RAB11FIP3: variants seen among roughly 807,000 people sequenced by gnomAD.
RAB11FIP3 encodes the protein RAB11 family interacting protein 3, also known as rab11 family-interacting protein 3.
Under a neutral mutation model 77.8 loss-of-function variants are expected in RAB11FIP3, and 17 were observed. The observed-to-expected ratio is 0.22, with a 90% confidence interval of 0.15 to 0.33. The LOEUF (loss-of-function observed/expected upper bound fraction) is 0.33. Among genes scored for constraint, RAB11FIP3 ranks in the 10% least tolerant of loss-of-function variants. The probability of loss-of-function intolerance (pLI) is 1.00; values close to 1 mark genes in which losing one functional copy is unlikely to be tolerated. For missense variants in RAB11FIP3, 1,005 were observed against 1,011.2 expected (o/e 0.99, Z 0.08); for synonymous variants, 437 against 448.2 (o/e 0.98, Z 0.31).
In RAB11FIP3 at chr16:461,234, T is replaced by A. The variant is rs998695342; in HGVS notation, c.715-170T>A. 5.9e-5 allele frequency among the ~76,000 whole-genome samples: 9 copies of A among 152,242 alleles called. No homozygotes were observed. The highest frequency in any genetic ancestry group is 3.4e-3 in the Middle Eastern group (1 of 294). On this transcript the variant is annotated intron_variant, in intron 1 of 13. Transcript: ENST00000262305. This position sits in a 1 kb window ranked among gnomAD's most constrained non-coding sequence, Gnocchi z 4.5. ...CGCTCCTGTGAGAAGAACCTGATGC[T>A]CCTGCTGATCTGACAGGAGGGGAGC...
At chr16:491,873 C>T (rs8046020) in intron 5 of RAB11FIP3, among the ~76,000 whole-genome samples, 2,951 of 152,318 alleles carry the variant, frequency 0.019, 109 homozygotes, top group African/African-American at 0.067. Context: ...GGTGAAGAAA[C>T]GGGCCACTTT....
chr16:493,113 T>A (rs1433036714), intron 5 of RAB11FIP3, among the ~76,000 whole-genome samples: 1 of 152,052 alleles, frequency 6.6e-6, no homozygotes, highest in African/African-American at 2.4e-5. Context: ...TAGCCAGGCA[T>A]GGTGGCACAT....
intron 9 of RAB11FIP3, among the ~76,000 whole-genome samples, chr16:511,826 G>T: frequency 7.9e-6 from 1 of 127,112 alleles, no homozygotes; most frequent in Non-Finnish European, 1.6e-5. Context: ...GGTAGGAGAG[G>T]TTCCTGACGG....
chr16:517,334 T>A (rs1273474275), intron 9 of RAB11FIP3, among the ~76,000 whole-genome samples: 2 of 151,710 alleles, frequency 1.3e-5, no homozygotes, highest in African/African-American at 4.8e-5. Flanking sequence ...TTTGGGAGGC[T>A]GAGGCTGTTG....
At chr16:495,885 G>A (rs2031080912) in intron 5 of RAB11FIP3, among the ~76,000 whole-genome samples, 1 of 152,094 alleles carries the variant, frequency 6.6e-6, no homozygotes, top group East Asian at 1.9e-4. Context: ...CGAGTAGCTG[G>A]GATTACAGGC....
chr16:492,397 C>CCCGAGGCCGCCCAGGGCCCTCCCG, intron 5 of RAB11FIP3, among the ~76,000 whole-genome samples: 1 of 127,740 alleles, frequency 7.8e-6, no homozygotes, highest in South Asian at 2.6e-4. Context: ...GAGCCCTCCC[C>CCCGAGGCCGCCCAGGGCCCTCCCG]GGGAGACCCG....
intron 6 of RAB11FIP3, 75 bp downstream of exon 6, chr16:496,934 T>A: frequency 7.0e-7 from 1 of 1,423,624 alleles, no homozygotes; most frequent in Non-Finnish European, 9.8e-7. Context: ...AAAAACATTT[T>A]AAAATGTTCT....
At chr16:496,736 C>T (rs909858340) in intron 5 of RAB11FIP3, 88 bp from the exon 6 acceptor site, 13 of 1,342,260 alleles carry the variant, frequency 9.7e-6, no homozygotes, top group Admixed American at 3.8e-5. Context: ...CCGCCCACCT[C>T]GTATCTCCAC....
At chr16:433,009 CTG>C (rs1240604134) in intron 1 of RAB11FIP3, among the ~76,000 whole-genome samples, 1 of 119,586 alleles carries the variant, frequency 8.4e-6, no homozygotes, top group African/African-American at 3.2e-5. Flanking sequence ...GTTGGGGTGT[CTG>C]TCACCTCCAT....
chr16:492,327 T>G (rs562222815), intron 5 of RAB11FIP3, among the ~76,000 whole-genome samples: 14 of 110,930 alleles, frequency 1.3e-4, no homozygotes, highest in African/African-American at 7.0e-4. Flanking sequence ...TTGGCAGCAC[T>G]GGTGAGAAAG....
intron 3 of RAB11FIP3, among the ~76,000 whole-genome samples, chr16:478,296 G>T (rs1382444474): frequency 6.6e-6 from 1 of 151,746 alleles, no homozygotes; most frequent in African/African-American, 2.4e-5. Flanking sequence ...GGGTTCAAGC[G>T]ATTCTCCTGT....
At chr16:466,377 C>T (rs190683579) in intron 2 of RAB11FIP3, among the ~76,000 whole-genome samples, 97 of 152,256 alleles carry the variant, frequency 6.4e-4, no homozygotes, top group African/African-American at 2.2e-3. Context: ...ACGATTCTGT[C>T]GTCAGGGTAG....
At chr16:450,977 CG>C (rs2055398864) in intron 1 of RAB11FIP3, among the ~76,000 whole-genome samples, 1 of 151,882 alleles carries the variant, frequency 6.6e-6, no homozygotes, top group South Asian at 2.1e-4. Flanking sequence ...TGCCTGCCAT[CG>C]TTGAATGTGT....
rs767597206 is a variant in RAB11FIP3 at position 471,328 on chromosome 16, C to G, written c.842C>G (p.Ser281Cys). 6.2e-7 allele frequency: 1 copy of G among 1,614,084 alleles called. No homozygotes were observed. Among genetic ancestry groups the G allele is most frequent in the South Asian group, 1.1e-5 (1 of 91,078 alleles). The change falls in exon 3 of 14, where the codon TCT (serine) becomes TGT (cysteine). Residue 281 changes from serine to cysteine, a missense_variant. Transcript: ENST00000262305. The surrounding 1 kb of genome is among the most constrained non-coding windows in gnomAD (Gnocchi z 4.4). ...PDGQCYGGVA[S>C]AQDEEPLACP... is the part of the protein sequence containing the mutation. The stretch of plus-strand genomic sequence containing the variant: ...GGCCAGTGCTACGGTGGTGTCGCTT[C>G]TGCCCAAGATGAGGAGCCCCTGGCC...
At chr16:497,068 G>A (rs1042290136) in intron 6 of RAB11FIP3, 24 of 593,942 alleles carry the variant, frequency 4.0e-5, no homozygotes, top group Middle Eastern at 5.3e-4. Context: ...TTGTGACCAG[G>A]GAGGGTACGT....
chr16:481,253 G>C (rs540230554), intron 3 of RAB11FIP3, among the ~76,000 whole-genome samples: 95 of 151,932 alleles, frequency 6.3e-4, no homozygotes, highest in Non-Finnish European at 1.2e-3. Context: ...GCTCACTCTT[G>C]TAATCCCAGC....
intron 13 of RAB11FIP3, 51 bp from the exon 14 acceptor site, chr16:520,675 T>G: frequency 6.2e-7 from 1 of 1,610,718 alleles, no homozygotes; most frequent in Non-Finnish European, 8.5e-7. Flanking sequence ...GTTTATGCGC[T>G]GTGGCCTGTG....
chr16:499,160 C>T (rs2031340106), intron 6 of RAB11FIP3, among the ~76,000 whole-genome samples: 1 of 152,052 alleles, frequency 6.6e-6, no homozygotes, highest in Non-Finnish European at 1.5e-5. Context: ...TGGAGTGAGC[C>T]GAGATTGTGC....
chr16:460,710 A>G (rs547639381), intron 1 of RAB11FIP3, among the ~76,000 whole-genome samples: 3 of 152,306 alleles, frequency 2.0e-5, no homozygotes, highest in East Asian at 3.9e-4. Context: ...TCTATGTAAC[A>G]TATCTATGTT....
Sources: allele counts gnomAD v4.1 joint callset (sites outside exome capture counted in the v4.1 genomes callset), GRCh38; gene constraint gnomAD v4.1.1; non-coding constraint Gnocchi (gnomAD v3.1); transcripts MANE v1.5; gene names NCBI Gene and HGNC (gene_info 2026-07-23, HGNC 2026-07-21).